PMS1: variants seen among roughly 807,000 people sequenced by gnomAD.
The protein encoded by PMS1 is PMS1 homolog 1, mismatch repair system component.
Under a neutral mutation model 93.1 loss-of-function variants are expected in PMS1, and 79 were observed. The observed-to-expected ratio is 0.85, with a 90% CI of 0.71 to 1.02. The LOEUF (loss-of-function observed/expected upper bound fraction) is 1.02, where lower values mean the gene tolerates loss of function less well. Ranked by LOEUF, PMS1 falls within the 50% of genes least tolerant of loss-of-function variation. The probability of loss-of-function intolerance (pLI) is 0.00; values close to 1 mark genes in which losing one functional copy is unlikely to be tolerated. For synonymous variants in PMS1, 335 were observed against 363.4 expected (o/e 0.92, Z 0.89); for missense variants, 1,064 against 1,085.3 (o/e 0.98, Z 0.28).
At chr2:189,816,216 T>C (rs1342560766) in intron 4 of PMS1, among the ~76,000 whole-genome samples, 1 of 152,244 alleles carries the variant, frequency 6.6e-6, no homozygotes, top group Non-Finnish European at 1.5e-5. Context: ...TTTGATATTA[T>C]AGTCATTTGG....
intron 10 of PMS1, among the ~76,000 whole-genome samples, chr2:189,866,819 A>G (rs2056698708): frequency 6.6e-6 from 1 of 152,218 alleles, no homozygotes; most frequent in Non-Finnish European, 1.5e-5. Flanking sequence ...TGTATGTCCA[A>G]GATTACAATC....
chr2:189,818,204 A>C, intron 5 of PMS1, 24 bp downstream of exon 5: 1 of 1,440,242 alleles, frequency 6.9e-7, no homozygotes, highest in Non-Finnish European at 9.7e-7. Context: ...TATCTTTATA[A>C]GTTTCTGGGT....
intron 3 of PMS1, among the ~76,000 whole-genome samples, chr2:189,796,322 C>G (rs1355671135): frequency 6.6e-6 from 1 of 152,116 alleles, no homozygotes; most frequent in Non-Finnish European, 1.5e-5. Context: ...CATGCCACTG[C>G]ACTCCCACCT....
At chr2:189,795,714 T>G in intron 2 of PMS1, 55 bp from the exon 3 acceptor site, 2 of 1,336,896 alleles carry the variant, frequency 1.5e-6, no homozygotes, top group Non-Finnish European at 2.1e-6. Context: ...TCTTTCTAAG[T>G]GTGATAACAG....
At chr2:189,820,820 G>A (rs1403299517) in intron 5 of PMS1, among the ~76,000 whole-genome samples, 1 of 152,068 alleles carries the variant, frequency 6.6e-6, no homozygotes, top group Non-Finnish European at 1.5e-5. Context: ...CTTATTGTCA[G>A]GAAGATTCTT....
intron 5 of PMS1, among the ~76,000 whole-genome samples, chr2:189,824,812 A>G (rs1233283): frequency 0.021 from 3,164 of 152,170 alleles, 104 homozygotes; most frequent in African/African-American, 0.071. Flanking sequence ...ATATTTCTTA[A>G]TAGTGCTGTT....
intron 11 of PMS1, among the ~76,000 whole-genome samples, chr2:189,872,134 A>T (rs563548548): frequency 1.2e-4 from 19 of 152,170 alleles, no homozygotes; most frequent in Admixed American, 3.9e-4. Flanking sequence ...TGGAGGGGAC[A>T]CACATCTAAA....
intron 5 of PMS1, among the ~76,000 whole-genome samples, chr2:189,843,732 A>G (rs2054006926): frequency 1.3e-5 from 2 of 152,226 alleles, no homozygotes; most frequent in Admixed American, 6.5e-5. Context: ...TGTAAAGAGG[A>G]GAAAACCAAG....
chr2:189,840,445 T>C (rs755843520), intron 5 of PMS1, among the ~76,000 whole-genome samples: 4 of 152,232 alleles, frequency 2.6e-5, no homozygotes, highest in Non-Finnish European at 5.9e-5. Flanking sequence ...CATTTCACTA[T>C]GTATGGAGAA....
chr2:189,812,042 T>C (rs2050892641), intron 4 of PMS1, among the ~76,000 whole-genome samples: 1 of 152,190 alleles, frequency 6.6e-6, no homozygotes, highest in African/African-American at 2.4e-5. Context: ...GGCTCACGCC[T>C]GTAATCCCAG....
chr2:189,815,348 C>T (rs1281069505), intron 4 of PMS1, among the ~76,000 whole-genome samples: 2 of 152,128 alleles, frequency 1.3e-5, no homozygotes, highest in Non-Finnish European at 2.9e-5. Flanking sequence ...CTCTGTGTCC[C>T]CACCCAAATC....
intron 1 of PMS1, among the ~76,000 whole-genome samples, chr2:189,786,905 T>C (rs2048396268): frequency 6.6e-6 from 1 of 151,984 alleles, no homozygotes; most frequent in African/African-American, 2.4e-5. Flanking sequence ...TACAAAAAAT[T>C]AGCCAGGTGT....
At chr2:189,848,525 C>T (rs982426311) in intron 6 of PMS1, among the ~76,000 whole-genome samples, 13 of 152,096 alleles carry the variant, frequency 8.5e-5, no homozygotes, top group African/African-American at 2.9e-4. Flanking sequence ...TCTGTGCTTA[C>T]CCATTGAATT....
intron 5 of PMS1, among the ~76,000 whole-genome samples, chr2:189,826,975 G>A (rs1297047816): frequency 1.3e-5 from 2 of 152,068 alleles, no homozygotes; most frequent in African/African-American, 2.4e-5. Context: ...GACCTCTTAT[G>A]TATTTAGGGA....
At chr2:189,808,892 C>T (rs2050581612) in intron 4 of PMS1, among the ~76,000 whole-genome samples, 1 of 152,010 alleles carries the variant, frequency 6.6e-6, no homozygotes, top group South Asian at 2.1e-4. Flanking sequence ...AGCTTTAGTC[C>T]TATCATTTTC....
At chr2:189,834,368 G>T (rs889203728) in intron 5 of PMS1, among the ~76,000 whole-genome samples, 6 of 152,198 alleles carry the variant, frequency 3.9e-5, no homozygotes, top group Admixed American at 3.9e-4. Flanking sequence ...GAAGGACCTT[G>T]TGTATCTTAC....
intron 10 of PMS1, among the ~76,000 whole-genome samples, chr2:189,865,323 G>A (rs256564): frequency 0.3 from 44,860 of 151,982 alleles, 11,386 homozygotes; most frequent in African/African-American, 0.69. Context: ...GGAATGTTCT[G>A]TTGTCTGTAT....
intron 3 of PMS1, among the ~76,000 whole-genome samples, chr2:189,803,175 C>T (rs1162052769): frequency 6.6e-6 from 1 of 152,140 alleles, no homozygotes; most frequent in Non-Finnish European, 1.5e-5. Flanking sequence ...CCCCCAAAAA[C>T]TCAAAAGGCT....
chr2:189,827,840 G>A (rs1455049968), intron 5 of PMS1, among the ~76,000 whole-genome samples: 1 of 152,106 alleles, frequency 6.6e-6, no homozygotes, highest in Non-Finnish European at 1.5e-5. Context: ...CCAGAAGCTG[G>A]GGAGGGGAGG....
Sources: gnomAD v4.1 joint callset for allele counts (sites outside exome capture counted in the v4.1 genomes callset) on GRCh38, gnomAD v4.1.1 for gene constraint, MANE v1.5 for transcripts, NCBI Gene and HGNC (gene_info 2026-07-23, HGNC 2026-07-21) for gene names.